CCDC14: variants seen among roughly 807,000 people sequenced by gnomAD.
CCDC14 encodes coiled-coil domain-containing protein 14.
In CCDC14, 71 loss-of-function variants were observed where a neutral mutation model predicts 81.4. The ratio of observed to expected loss-of-function variants is 0.87; its 90% CI spans 0.72 to 1.06. CCDC14 has a LOEUF of 1.06. Among genes scored for constraint, CCDC14 ranks in the 50% least tolerant of loss-of-function variants. The probability of loss-of-function intolerance (pLI) is 0.00; values close to 1 mark genes in which losing one functional copy is unlikely to be tolerated. For missense variants in CCDC14, 1,046 were observed against 1,047.3 expected (o/e 1.00, Z 0.02); for synonymous variants, 332 against 364.8 (o/e 0.91, Z 1.03).
Position 123,961,216 on chromosome 3 carries a change from C to T in CCDC14, c.-43G>A. On this transcript the variant is annotated 5_prime_UTR_variant, in exon 1 of 13. Coordinates refer to ENST00000409697, the MANE Select transcript of CCDC14 (RefSeq NM_001366335.1). ...AAGCCCAGACCGAGGGAAGTGAAGC[C>T]TCACGGTAAAAAGAATTAACCGCCG... is the stretch of plus-strand genomic sequence containing the variant. The T allele has an allele frequency of 6.4e-7, 1 of 1,551,638 alleles. No homozygotes were observed. The highest frequency in any genetic ancestry group is 1.2e-5 in the South Asian group (1 of 84,056).
In CCDC14 at chr3:123,939,356, A is replaced by G. The variant is rs550923198; in HGVS notation, c.1343+5493T>C. ...TTAACTTTTTTCATCCTTAGGGTGT[A>G]GTAACTTAACCAGCATATGTGTTGG... On this transcript the variant is annotated intron_variant, in intron 9 of 12. Transcript: ENST00000409697. Among the ~76,000 whole-genome samples, 9 of 151,148 alleles carry G rather than the reference A, an allele frequency of 6.0e-5. No individual in the cohort carries two copies. In the South Asian group the frequency reaches 1.7e-3, roughly 28 times the overall value.
At position 123,914,646 on chromosome 3, in the gene CCDC14, A is replaced by G. The variant is rs1312082409; in HGVS notation, c.*133T>C. On this transcript the variant is annotated 3_prime_UTR_variant, in exon 13 of 13. Transcript: ENST00000409697. ...CTCAGTGTCAATATATCTCAACAAT[A>G]CATTTATTACTTGTACAATATATTA... is the stretch of plus-strand genomic sequence containing the variant. The G allele has an allele frequency of 4.3e-6, 6 of 1,381,334 alleles. No individual in the cohort carries two copies. Among genetic ancestry groups the G allele is most frequent in the Admixed American group, 6.7e-5 (2 of 29,632 alleles). The allele number at this position is 1,381,334 out of a possible 1,614,324, so 85.6% of individuals were successfully genotyped here.
chr3:123,949,226 C>G, intron 5 of CCDC14, 94 bp from the exon 6 acceptor site: 3 of 700,388 alleles, frequency 4.3e-6, no homozygotes, highest in Non-Finnish European at 7.3e-6. Context: ...CAGAAGTAGT[C>G]CAATCCATCA....
chr3:123,931,388 C>T lies in CCDC14; in HGVS notation c.1565G>A (p.Ser522Asn). Residue 522 changes from serine (S) to asparagine (N), a missense_variant, in exon 11 of 13, where the codon AGT becomes AAT. Ser to Asn is a conservative substitution (Grantham distance 46). Coordinates refer to ENST00000409697, the MANE Select transcript of CCDC14 (RefSeq NM_001366335.1). Reference sequence around the variant, plus strand: ...TTGATCTTTGTCTTTAAATATACTACTAAATTTTTTGTTTTCATCTTTCTG... The same window carrying T: ...TTGATCTTTGTCTTTAAATATACTATTAAATTTTTTGTTTTCATCTTTCTG... ...ENQKDENKKFSSIFKDKDQTI... is the reference protein window; with the variant it reads ...ENQKDENKKFNSIFKDKDQTI... The T allele has an allele frequency of 1.3e-6, 2 of 1,526,910 alleles. No individual in the cohort carries two copies. The highest frequency in any genetic ancestry group is 1.7e-4 in the Middle Eastern group (1 of 5,758). 94.6% of individuals were successfully genotyped at this position (1,526,910 alleles called of 1,614,324 possible). A position where few individuals can be genotyped will look rare whatever the true frequency, so the allele number is the denominator to read the frequency against.
chr3:123,949,072 G>A lies in CCDC14; in HGVS notation c.413C>T (p.Thr138Ile), dbSNP rs748348160. The change falls in exon 6 of 13, where the codon ACA (threonine) becomes ATA (isoleucine). Residue 138 changes from threonine to isoleucine, a missense_variant. Physicochemically the swap from Thr to Ile is moderately conservative, Grantham distance 89. Coordinates refer to ENST00000409697, the MANE Select transcript of CCDC14 (RefSeq NM_001366335.1). ...NEASARSERD[T>I]SDLEQNWSLQ... ...TGACCAGTTTTGCTCTAGGTCTGAT[G>A]TGTCTCTTTCACTTCTAGCAGAAGC... The A allele has an allele frequency of 1.9e-6, 3 of 1,612,884 alleles. No individual in the cohort carries two copies. In the South Asian group the frequency reaches 3.3e-5, roughly 18 times the overall value.
At position 123,914,607 on chromosome 3, in the gene CCDC14, G is replaced by A; in HGVS notation, c.*172C>T. On this transcript the variant is annotated 3_prime_UTR_variant, in exon 13 of 13. Transcript: ENST00000409697. ...AGCAATTGTGAACTTAAGATGACTT[G>A]TTTTTATAAGCTCCTCAGTGTCAAT... is the stretch of plus-strand genomic sequence containing the variant. 2 of 1,290,426 alleles carry A rather than the reference G, an allele frequency of 1.5e-6. No individual in the cohort carries two copies. Among genetic ancestry groups the A allele is most frequent in the Non-Finnish European group, 2.0e-6 (2 of 1,021,632 alleles). The allele number at this position is 1,290,426 out of a possible 1,614,324, so 79.9% of individuals were successfully genotyped here. A position where few individuals can be genotyped will look rare whatever the true frequency, so the allele number is the denominator to read the frequency against.
At chr3:123,943,987 C>T (rs2036496822) in intron 9 of CCDC14, among the ~76,000 whole-genome samples, 1 of 152,116 alleles carries the variant, frequency 6.6e-6, no homozygotes, top group African/African-American at 2.4e-5. Flanking sequence ...CGATTTATAG[C>T]CAATCAGTCA....
At chr3:123,937,167 G>A (rs1197615562) in intron 9 of CCDC14, among the ~76,000 whole-genome samples, 2 of 152,082 alleles carry the variant, frequency 1.3e-5, no homozygotes, top group Admixed American at 1.3e-4. Context: ...ACAAGTTTCT[G>A]TGTGGACACA....
At chr3:123,916,669 C>T (rs2034719486) in intron 12 of CCDC14, among the ~76,000 whole-genome samples, 1 of 152,032 alleles carries the variant, frequency 6.6e-6, no homozygotes, top group African/African-American at 2.4e-5. Context: ...AGTCATTTAA[C>T]CTTTCTGAAT....
chr3:123,940,228 G>C (rs2036277973), intron 9 of CCDC14, among the ~76,000 whole-genome samples: 1 of 151,516 alleles, frequency 6.6e-6, no homozygotes, highest in Non-Finnish European at 1.5e-5. Context: ...ATATCCCTGA[G>C]TTTGTCTGTT....
chr3:123,956,325 A>T (rs1208019756), intron 3 of CCDC14, 30 bp downstream of exon 3: 1 of 1,447,350 alleles, frequency 6.9e-7, no homozygotes, highest in Non-Finnish European at 9.3e-7. Flanking sequence ...ACTAATTAAA[A>T]TAGTGTGTAT....
chr3:123,930,512 T>A (rs1416085911), intron 12 of CCDC14, among the ~76,000 whole-genome samples: 1 of 152,204 alleles, frequency 6.6e-6, no homozygotes, highest in African/African-American at 2.4e-5. Context: ...GTGAATATCA[T>A]AGAAAAATTG....
At position 123,914,762 on chromosome 3, in the gene CCDC14, T is replaced by C. The variant is rs2034559556; in HGVS notation, c.*17A>G. 6.7e-6 allele frequency: 10 copies of C among 1,488,652 alleles called. 1 individual carries two copies. The South Asian group carries it at 1.2e-4, about 18-fold the overall frequency. The allele number at this position is 1,488,652 out of a possible 1,614,324, so 92.2% of individuals were successfully genotyped here. Reference sequence around the variant, plus strand: ...TCTAGTTTTAAAAAGAAGCACCTGATGAGTTTTCTTCTGAATTCATTTCTC... The same window carrying C: ...TCTAGTTTTAAAAAGAAGCACCTGACGAGTTTTCTTCTGAATTCATTTCTC... On this transcript the variant is annotated 3_prime_UTR_variant, in exon 13 of 13. Transcript: ENST00000409697.
At chr3:123,897,207 C>T (rs746040307), downstream of CCDC14, 1 of 151,948 alleles carries the variant, frequency 6.6e-6, no homozygotes, top group Non-Finnish European at 1.5e-5. Flanking sequence ...AGAAAACAAA[C>T]ATTATAGAAG....
downstream of CCDC14, among the ~76,000 whole-genome samples, chr3:123,895,500 G>A (rs1481576065): frequency 6.6e-6 from 1 of 152,168 alleles, no homozygotes; most frequent in Non-Finnish European, 1.5e-5. Flanking sequence ...GCTGCACAAT[G>A]GACTCACTTG....
intron 12 of CCDC14, among the ~76,000 whole-genome samples, chr3:123,927,570 T>C (rs2035445280): frequency 6.6e-6 from 1 of 152,022 alleles, no homozygotes; most frequent in African/African-American, 2.4e-5. Flanking sequence ...TTCATAAGAG[T>C]GCAGTCAATC....
chr3:123,958,419 G>C (rs887254123), intron 1 of CCDC14: 2 of 151,990 alleles, frequency 1.3e-5, no homozygotes, highest in African/African-American at 4.8e-5. Context: ...CATGATAAAA[G>C]CACCTTGAAA....
At chr3:123,921,933 T>G (rs1414841545) in intron 12 of CCDC14, among the ~76,000 whole-genome samples, 1 of 152,202 alleles carries the variant, frequency 6.6e-6, no homozygotes, top group African/African-American at 2.4e-5. Context: ...GAGTACACAT[T>G]CTTCTCTTGT....
intron 9 of CCDC14, among the ~76,000 whole-genome samples, chr3:123,935,596 T>A (rs1008528091): frequency 6.6e-6 from 1 of 152,224 alleles, no homozygotes; most frequent in African/African-American, 2.4e-5. Context: ...GAGGTCCACT[T>A]GTACTGACGT....
Sources: allele counts gnomAD v4.1 joint callset (sites outside exome capture counted in the v4.1 genomes callset), GRCh38; gene constraint gnomAD v4.1.1; transcripts MANE v1.5; gene names NCBI Gene and HGNC (gene_info 2026-07-23, HGNC 2026-07-21).